RXFP2: variants seen among roughly 807,000 people sequenced by gnomAD.
The protein encoded by RXFP2 is relaxin receptor 2.
Under a neutral mutation model 88.6 loss-of-function variants are expected in RXFP2, and 68 were observed. The observed-to-expected ratio is 0.77, with a 90% CI of 0.63 to 0.94. The LOEUF (loss-of-function observed/expected upper bound fraction) is 0.94, where lower values mean the gene tolerates loss of function less well. Among genes scored for constraint, RXFP2 ranks in the 40% least tolerant of loss-of-function variants. The pLI is 0.00. For missense variants in RXFP2, 791 were observed against 893.9 expected, an observed-to-expected ratio of 0.88 and a Z score of 1.47; for synonymous variants, 329 against 306.8, an observed-to-expected ratio of 1.07 and a Z score of -0.76.
intron 17 of RXFP2, among the ~76,000 whole-genome samples, chr13:31,797,977 T>C (rs776230105): frequency 3.8e-4 from 58 of 152,226 alleles, no homozygotes; most frequent in Admixed American, 4.6e-4. Flanking sequence ...GAATTTCATC[T>C]GAAGCCCCTT....
intron 1 of RXFP2, among the ~76,000 whole-genome samples, chr13:31,754,003 G>A (rs914747781): frequency 6.6e-6 from 1 of 152,138 alleles, no homozygotes; most frequent in African/African-American, 2.4e-5. Context: ...ATGCCACTCT[G>A]GGGTGGAAAA....
At chr13:31,762,010 A>G (rs1035093142) in intron 3 of RXFP2, among the ~76,000 whole-genome samples, 4 of 152,190 alleles carry the variant, frequency 2.6e-5, no homozygotes, top group Admixed American at 6.6e-5. Flanking sequence ...TTCATGCATT[A>G]CTCTCTGATT....
At chr13:31,759,438 A>AAAGAAAGAAAG (rs1566218622) in intron 2 of RXFP2, among the ~76,000 whole-genome samples, 2 of 149,302 alleles carry the variant, frequency 1.3e-5, no homozygotes, top group Non-Finnish European at 3.0e-5. Context: ...AGAAAGAAAG[A>AAAGAAAGAAAG]AAGAAAGATA....
At chr13:31,780,754 G>T (rs1017470938) in intron 9 of RXFP2, among the ~76,000 whole-genome samples, 13 of 152,166 alleles carry the variant, frequency 8.5e-5, no homozygotes, top group African/African-American at 3.1e-4. Context: ...CACGTATGTG[G>T]GATGCCACTG....
intron 16 of RXFP2, among the ~76,000 whole-genome samples, chr13:31,794,006 A>G (rs1214216238): frequency 2.0e-5 from 3 of 152,026 alleles, no homozygotes; most frequent in Non-Finnish European, 4.4e-5. Context: ...TACCATTGTT[A>G]TATTCTCTGA....
At position 31,775,399 on chromosome 13, in the gene RXFP2, C is replaced by CT; in HGVS notation, c.641+11dup. On this transcript the variant is annotated intron_variant, in intron 7 of 17. Coordinates refer to ENST00000298386, the MANE Select transcript of RXFP2 (RefSeq NM_130806.5). ...ATCAGCTAACTTGGCTGTAAGTACTCTAATTCTTCTTTCTCCCATAGAGGA... is the reference window on the plus strand; with the variant it reads ...ATCAGCTAACTTGGCTGTAAGTACTCTTAATTCTTCTTTCTCCCATAGAGGA... The CT allele has an allele frequency of 1.3e-6, 2 of 1,578,324 alleles. No individual in the cohort carries two copies. The highest frequency in any genetic ancestry group is 1.7e-6 in the Non-Finnish European group (2 of 1,147,382).
At chr13:31,778,108 A>G (rs1873080490) in intron 8 of RXFP2, among the ~76,000 whole-genome samples, 1 of 152,180 alleles carries the variant, frequency 6.6e-6, no homozygotes, top group Non-Finnish European at 1.5e-5. Context: ...TGCAGTTTCC[A>G]ATGTGGCCCT....
At chr13:31,747,944 T>C (rs1454089073) in intron 1 of RXFP2, among the ~76,000 whole-genome samples, 1 of 152,174 alleles carries the variant, frequency 6.6e-6, no homozygotes. Context: ...GTATCTTAAT[T>C]ATCTTAAAAG....
intron 5 of RXFP2, among the ~76,000 whole-genome samples, chr13:31,770,946 G>A (rs902802197): frequency 6.6e-6 from 1 of 152,186 alleles, no homozygotes; most frequent in African/African-American, 2.4e-5. Context: ...AGAAGGTGGG[G>A]AGCATCTTCA....
At chr13:31,768,473 C>T (rs926675194) in intron 5 of RXFP2, among the ~76,000 whole-genome samples, 1 of 152,044 alleles carries the variant, frequency 6.6e-6, no homozygotes, top group Non-Finnish European at 1.5e-5. Flanking sequence ...GGGCAGACAC[C>T]GTTACAGCAG....
chr13:31,778,495 A>G lies in RXFP2; in HGVS notation c.714-17A>G, dbSNP rs770142915. The G allele has an allele frequency of 1.5e-5, 24 of 1,558,832 alleles. No homozygotes were observed. In the Admixed American group the frequency reaches 2.0e-4, roughly 13 times the overall value. On this transcript the variant is annotated splice_polypyrimidine_tract_variant and intron_variant, in intron 8 of 17. Transcript: ENST00000298386. ...TCATATCATTTTATTTCTAATTAACATTTTCTTTGTGTAAAGGTCTATGGT... is the reference window on the plus strand; with the variant it reads ...TCATATCATTTTATTTCTAATTAACGTTTTCTTTGTGTAAAGGTCTATGGT...
In RXFP2 at chr13:31,739,663, A is replaced by G; in HGVS notation, c.51A>G (p.Thr17=). The change falls in exon 1 of 18, where the codon ACA becomes ACG. Residue 17 remains threonine (T), a synonymous_variant. Transcript: ENST00000298386. ...ATCTCTTCAGCCTCAGATTGATTAC[A>G]ATGTTCTTTCTACTTCATTTCATCG... The part of the protein sequence containing the change: ...FKHLFSLRLI[T]MFFLLHFIVL... The G allele has an allele frequency of 3.1e-6, 5 of 1,610,664 alleles. No homozygotes were observed. The highest frequency in any genetic ancestry group is 3.4e-6 in the Non-Finnish European group (4 of 1,176,954).
At chr13:31,758,761 G>C (rs993539512) in intron 2 of RXFP2, among the ~76,000 whole-genome samples, 1 of 152,086 alleles carries the variant, frequency 6.6e-6, no homozygotes, top group African/African-American at 2.4e-5. Flanking sequence ...AAAGTGGCTG[G>C]GAGTGGCGGC....
Position 31,802,192 on chromosome 13 carries a change from T to C in RXFP2, c.2052T>C (p.Ser684=). 1 of 1,614,022 alleles carries C rather than the reference T, an allele frequency of 6.2e-7. No individual in the cohort carries two copies. The highest frequency in any genetic ancestry group is 2.2e-5 in the East Asian group (1 of 44,864). The change falls in exon 18 of 18, where the codon AGT becomes AGC. Residue 684 remains serine (S), a synonymous_variant. Coordinates refer to ENST00000298386, the MANE Select transcript of RXFP2 (RefSeq NM_130806.5). ...TGATTTTTTTCCTTCCAGTTAACAG[T>C]GCTTTGAATCCAATCCTCTATACTC... ...WIVIFFLPVN[S]ALNPILYTLT... is the part of the protein sequence containing the mutation.
chr13:31,758,428 A>T, intron 2 of RXFP2, 24 bp downstream of exon 2: 1 of 1,610,794 alleles, frequency 6.2e-7, no homozygotes, highest in Non-Finnish European at 8.5e-7. Context: ...TCGGCTCCCC[A>T]TGTGTGCCTC....
intron 2 of RXFP2, among the ~76,000 whole-genome samples, chr13:31,759,090 G>A (rs1274988972): frequency 1.3e-5 from 2 of 150,470 alleles, no homozygotes; most frequent in African/African-American, 4.9e-5. Flanking sequence ...CCTAGCTAAA[G>A]AATTAATTGA....
In RXFP2 at chr13:31,774,684, C is replaced by A. The variant is rs755033811; in HGVS notation, c.562C>A (p.Gln188Lys). Reference sequence around the variant, plus strand: ...AGCATTTTTTGGATTATGTAATCTGCAAATATTGTGAGTAACCTCTTTCTC... The same window carrying A: ...AGCATTTTTTGGATTATGTAATCTGAAAATATTGTGAGTAACCTCTTTCTC... ...RKAFFGLCNL[Q>K]ILYLNHNCIT... The change falls in exon 6 of 18, where the codon CAA becomes AAA. Residue 188 changes from glutamine (Q) to lysine (K), a missense_variant. Coordinates refer to ENST00000298386, the MANE Select transcript of RXFP2 (RefSeq NM_130806.5). 23 of 1,480,642 alleles carry A rather than the reference C, an allele frequency of 1.6e-5. No individual in the cohort carries two copies. The highest frequency in any genetic ancestry group is 3.4e-4 in the Middle Eastern group (2 of 5,856). 91.7% of individuals were successfully genotyped at this position (1,480,642 alleles called of 1,614,324 possible).
At chr13:31,743,245 G>T (rs984504940) in intron 1 of RXFP2, among the ~76,000 whole-genome samples, 2 of 152,046 alleles carry the variant, frequency 1.3e-5, no homozygotes, top group Non-Finnish European at 2.9e-5. Context: ...GAGGCAAGCA[G>T]ATCACTGAAG....
Position 31,786,374 on chromosome 13 carries a change from C to G in RXFP2, c.930-9C>G, listed in dbSNP as rs113551642. ...AGTAATTGCTTTGGGTTTTCATTGT[C>G]GTCAACAGGGATCTGTCTAGCAATA... On this transcript the variant is annotated splice_polypyrimidine_tract_variant and intron_variant, in intron 11 of 17. Coordinates refer to ENST00000298386, the MANE Select transcript of RXFP2 (RefSeq NM_130806.5). 1.3e-6 allele frequency: 2 copies of G among 1,587,140 alleles called. No homozygotes were observed. The highest frequency in any genetic ancestry group is 1.7e-6 in the Non-Finnish European group (2 of 1,155,718).
Sources: allele counts gnomAD v4.1 joint callset (sites outside exome capture counted in the v4.1 genomes callset), GRCh38; gene constraint gnomAD v4.1.1; transcripts MANE v1.5; gene names NCBI Gene and HGNC (gene_info 2026-07-23, HGNC 2026-07-21).